Variants in MALRD1 observed in about 807,000 individuals in gnomAD.
MALRD1 encodes the protein MAM and LDL-receptor class A domain-containing protein 1.
MALRD1 carries 247 observed loss-of-function variants against 242.1 expected under a neutral mutation model. The observed-to-expected ratio is 1.02, with a 90% confidence interval of 0.92 to 1.13. MALRD1 has a LOEUF of 1.13. Among genes scored for constraint, MALRD1 ranks in the 50% most tolerant of loss-of-function variants. MALRD1 has a pLI of 0.00. For missense variants in MALRD1, 2,989 were observed against 2,533.1 expected, an observed-to-expected ratio of 1.18 and a Z score of -3.86; for synonymous variants, 995 against 866.6, an observed-to-expected ratio of 1.15 and a Z score of -2.60.
At chr10:19,216,700 C>T (rs1200910385) in intron 18 of MALRD1, among the ~76,000 whole-genome samples, 3 of 151,022 alleles carry the variant, frequency 2.0e-5, no homozygotes, top group Non-Finnish European at 4.4e-5. Context: ...AATCCCAGCA[C>T]TTTGGGAGGC....
At chr10:19,382,542 A>C (rs113879171) in intron 26 of MALRD1, among the ~76,000 whole-genome samples, 7 of 152,266 alleles carry the variant, frequency 4.6e-5, no homozygotes, top group African/African-American at 1.7e-4. Flanking sequence ...GATTTTTATA[A>C]TAGAAGTTTT....
intron 32 of MALRD1, among the ~76,000 whole-genome samples, chr10:19,547,145 C>T (rs1230115832): frequency 6.6e-6 from 1 of 152,130 alleles, no homozygotes; most frequent in Non-Finnish European, 1.5e-5. Context: ...TATGAAGAGA[C>T]ATTTTCTTGG....
intron 36 of MALRD1, among the ~76,000 whole-genome samples, chr10:19,670,066 G>GCA (rs3071775): frequency 0.35 from 51,908 of 148,160 alleles, 9,104 homozygotes; most frequent in East Asian, 0.5. Context: ...CCTCGCACGT[G>GCA]CACACACACA....
At chr10:19,454,567 A>T (rs1589105753) in intron 29 of MALRD1, among the ~76,000 whole-genome samples, 2 of 151,142 alleles carry the variant, frequency 1.3e-5, no homozygotes, top group African/African-American at 4.9e-5. Flanking sequence ...CAATAAACCC[A>T]TTATAAAGTC....
intron 18 of MALRD1, among the ~76,000 whole-genome samples, chr10:19,237,088 G>C: frequency 6.6e-6 from 1 of 151,916 alleles, no homozygotes. Context: ...ATCCAATAAG[G>C]ATAGTTAGTG....
chr10:19,702,051 A>T (rs1390411275), intron 38 of MALRD1, among the ~76,000 whole-genome samples: 1 of 152,124 alleles, frequency 6.6e-6, no homozygotes, highest in East Asian at 1.9e-4. Flanking sequence ...AAGTCAATTC[A>T]TCTAGTTTTA....
chr10:19,425,520 T>C (rs1833872617), intron 28 of MALRD1, among the ~76,000 whole-genome samples: 1 of 152,144 alleles, frequency 6.6e-6, no homozygotes, highest in Admixed American at 6.5e-5. Context: ...TTCCTTTTCT[T>C]TTCTTCCTTT....
intron 32 of MALRD1, among the ~76,000 whole-genome samples, chr10:19,537,649 T>G (rs1834750670): frequency 6.6e-6 from 1 of 152,184 alleles, no homozygotes; most frequent in Admixed American, 6.5e-5. Context: ...ATGGGAAACT[T>G]ATTTTATTTT....
chr10:19,156,362 C>T (rs564851173), intron 12 of MALRD1, among the ~76,000 whole-genome samples: 2 of 150,908 alleles, frequency 1.3e-5, no homozygotes, highest in Non-Finnish European at 2.9e-5. Flanking sequence ...TGCCTGGTCT[C>T]CATTTCCATT....
At chr10:19,048,236 C>T (rs951231862), upstream of MALRD1, among the ~76,000 whole-genome samples, 1 of 152,148 alleles carries the variant, frequency 6.6e-6, no homozygotes, top group African/African-American at 2.4e-5. Context: ...ACATATATCT[C>T]ATAACTTCCT....
intron 18 of MALRD1, among the ~76,000 whole-genome samples, chr10:19,239,136 G>A (rs906493670): frequency 6.6e-6 from 1 of 151,676 alleles, no homozygotes; most frequent in Admixed American, 6.6e-5. Context: ...GGGGCTCACG[G>A]CAACCTCCAT....
At position 19,495,379 on chromosome 10, in the gene MALRD1, G is replaced by A. The variant is rs78606749; in HGVS notation, c.5159-3106G>A. Among the ~76,000 whole-genome samples, 364 of 151,420 alleles carry A rather than the reference G, an allele frequency of 2.4e-3. 6 individuals carry two copies. In the East Asian group the frequency reaches 0.05, roughly 21 times the overall value. ...CAAAGGGAACCTCATCAGACTAATAGTGAATCTTTCAGCAGTGAATCTTTT... is the reference window on the plus strand; with the variant it reads ...CAAAGGGAACCTCATCAGACTAATAATGAATCTTTCAGCAGTGAATCTTTT... On this transcript the variant is annotated intron_variant, in intron 30 of 39. Coordinates refer to ENST00000454679, the MANE Select transcript of MALRD1 (RefSeq NM_001142308.3).
intron 33 of MALRD1, among the ~76,000 whole-genome samples, chr10:19,573,706 T>C (rs1197839912): frequency 6.6e-6 from 1 of 152,176 alleles, no homozygotes; most frequent in Non-Finnish European, 1.5e-5. Context: ...CATTAACCAC[T>C]TCACGCAAAT....
chr10:19,384,482 G>T (rs1845984441), intron 26 of MALRD1, among the ~76,000 whole-genome samples: 1 of 111,236 alleles, frequency 9.0e-6, no homozygotes, highest in Admixed American at 1.2e-4. Context: ...ATATTATATA[G>T]TGTATGTAAT....
chr10:19,160,917 C>T (rs1225637577), intron 12 of MALRD1, among the ~76,000 whole-genome samples: 1 of 148,944 alleles, frequency 6.7e-6, no homozygotes, highest in Non-Finnish European at 1.5e-5. Context: ...AAACCAGCTC[C>T]TGGATTCATT....
At chr10:19,569,604 A>T (rs548674597) in intron 33 of MALRD1, among the ~76,000 whole-genome samples, 70 of 149,056 alleles carry the variant, frequency 4.7e-4, no homozygotes, top group African/African-American at 1.6e-3. Flanking sequence ...TCTTCCAGTC[A>T]TTCTTTGCTC....
At chr10:19,248,348 T>G (rs1026450224) in intron 18 of MALRD1, among the ~76,000 whole-genome samples, 1 of 151,290 alleles carries the variant, frequency 6.6e-6, no homozygotes, top group African/African-American at 2.4e-5. Flanking sequence ...GTTCCTCTTG[T>G]AAGGGTCCAA....
At chr10:19,387,428 T>C in intron 26 of MALRD1, 100 bp from the exon 27 acceptor site, 1 of 1,372,440 alleles carries the variant, frequency 7.3e-7, no homozygotes, top group Non-Finnish European at 9.7e-7. Context: ...AACAATATGT[T>C]CCTTTATAGA....
chr10:19,291,840 T>A (rs1403159196), intron 21 of MALRD1, among the ~76,000 whole-genome samples: 1 of 151,918 alleles, frequency 6.6e-6, no homozygotes, highest in African/African-American at 2.4e-5. Context: ...ATCCCAGCAC[T>A]TTGGGAGGCT....
Sources: gnomAD v4.1 joint callset for allele counts (sites outside exome capture counted in the v4.1 genomes callset) on GRCh38, gnomAD v4.1.1 for gene constraint, MANE v1.5 for transcripts, NCBI Gene and HGNC (gene_info 2026-07-23, HGNC 2026-07-21) for gene names.